The following WDFY2 variants were observed in gnomAD, a reference collection of about 807,000 sequenced individuals.
WDFY2 encodes the protein WD repeat and FYVE domain-containing protein 2.
A neutral mutation model predicts 56.4 loss-of-function variants in WDFY2; 36 were observed. The observed-to-expected ratio is 0.64, with a 90% CI of 0.49 to 0.84. The LOEUF (loss-of-function observed/expected upper bound fraction) is 0.84, where lower values mean the gene tolerates loss of function less well. Ranked by LOEUF, WDFY2 falls within the 40% of genes least tolerant of loss-of-function variation. WDFY2 has a pLI of 0.00. For missense variants in WDFY2, 444 were observed against 512.2 expected (o/e 0.87, Z 1.29); for synonymous variants, 176 against 183.7 (o/e 0.96, Z 0.34).
chr13:51,661,546 C>T (rs1431654798), intron 2 of WDFY2, among the ~76,000 whole-genome samples: 2 of 152,144 alleles, frequency 1.3e-5, no homozygotes, highest in African/African-American at 4.8e-5. Flanking sequence ...GTCTCAGAAG[C>T]ATATGCCAAA....
chr13:51,642,984 A>G (rs560264311), intron 1 of WDFY2, among the ~76,000 whole-genome samples: 1 of 152,196 alleles, frequency 6.6e-6, no homozygotes, highest in African/African-American at 2.4e-5. Context: ...CCATGTGGCC[A>G]TGTGTCTTTA....
chr13:51,660,707 C>T lies in WDFY2; in HGVS notation c.205+44C>T. 4 of 1,554,400 alleles carry T rather than the reference C, an allele frequency of 2.6e-6. No individual in the cohort carries two copies. In the South Asian group the frequency reaches 4.5e-5, roughly 17 times the overall value. ...GTCTTGAAAAACCAGACATGTCCTT[C>T]CCAGATTGCCTTCTCTGTATTTTCT... On this transcript the variant is annotated intron_variant, in intron 2 of 11. Transcript: ENST00000298125.
At chr13:51,691,693 T>A (rs1360579892) in intron 3 of WDFY2, among the ~76,000 whole-genome samples, 1 of 152,018 alleles carries the variant, frequency 6.6e-6, no homozygotes, top group African/African-American at 2.4e-5. Context: ...CTTTTTTGGT[T>A]CCATGTGAAC....
At chr13:51,751,272 T>C in intron 7 of WDFY2, 38 bp from the exon 8 acceptor site, 1 of 1,595,356 alleles carries the variant, frequency 6.3e-7, no homozygotes, top group Non-Finnish European at 8.5e-7. Flanking sequence ...TTGCATTTGT[T>C]CTCCTAAACT....
At chr13:51,697,086 T>C (rs1193365192) in intron 3 of WDFY2, among the ~76,000 whole-genome samples, 1 of 152,196 alleles carries the variant, frequency 6.6e-6, no homozygotes, top group African/African-American at 2.4e-5. Flanking sequence ...ATCTAAGTTG[T>C]AGTAATTTTA....
chr13:51,599,958 G>A (rs538597931), intron 1 of WDFY2, among the ~76,000 whole-genome samples: 1 of 150,976 alleles, frequency 6.6e-6, no homozygotes. Context: ...TGCAGTGCTT[G>A]CATGTGGCCA....
rs932289973 is a variant in WDFY2 at position 51,673,468 on chromosome 13, T to C, written c.206-1702T>C. On this transcript the variant is annotated intron_variant, in intron 2 of 11. Transcript: ENST00000298125. The stretch of plus-strand genomic sequence containing the variant: ...TATTTAAAATTCATTTTAACAGGAA[T>C]GGCAAAATAAGAGTAAAGACAGTGT... Among the ~76,000 whole-genome samples, 8 of 152,228 alleles carry C rather than the reference T, an allele frequency of 5.3e-5. 1 individual carries two copies. Among genetic ancestry groups the C allele is most frequent in the Admixed American group, 5.2e-4 (8 of 15,288 alleles).
intron 1 of WDFY2, among the ~76,000 whole-genome samples, chr13:51,615,548 C>T (rs1380278236): frequency 6.6e-6 from 1 of 152,110 alleles, no homozygotes. Flanking sequence ...TAACAAAGGC[C>T]GTTTAAACAG....
chr13:51,666,833 TA>T (rs1462814253), intron 2 of WDFY2, among the ~76,000 whole-genome samples: 11 of 152,234 alleles, frequency 7.2e-5, no homozygotes. Flanking sequence ...GGTAATACAT[TA>T]AATAAATAAT....
rs56054205 is a variant in WDFY2, at chr13:51,707,939, C to CTTTTTTTTTTTTTTTTT, written c.334+4305_334+4321dup. Reference sequence around the variant, plus strand: ...ATATATACTATTAACCCTAAAACAACTTTTTTTTTTTTTTTTTTTTTTTTT... The same window carrying CTTTTTTTTTTTTTTTTT: ...ATATATACTATTAACCCTAAAACAACTTTTTTTTTTTTTTTTTTTTTTTTTTTTTTTTTTTTTTTTTT... On this transcript the variant is annotated intron_variant, in intron 4 of 11. Coordinates refer to ENST00000298125, the MANE Select transcript of WDFY2 (RefSeq NM_052950.4). 8.7e-5 allele frequency among the ~76,000 whole-genome samples: 5 copies of CTTTTTTTTTTTTTTTTT among 57,570 alleles called. 1 individual carries two copies. The highest frequency in any genetic ancestry group is 3.2e-4 in the Admixed American group (1 of 3,110). 37.8% of individuals were successfully genotyped at this position (57,570 alleles called of 152,430 possible).
intron 7 of WDFY2, among the ~76,000 whole-genome samples, chr13:51,750,159 AT>A (rs2138714558): frequency 6.6e-6 from 1 of 152,314 alleles, no homozygotes; most frequent in South Asian, 2.1e-4. Context: ...TATTAAAAGA[AT>A]TTTTATGTTT....
chr13:51,767,194 G>A lies in WDFY2; in HGVS notation c.*7425G>A, dbSNP rs1953777149. Reference sequence around the variant, plus strand: ...GTGACCTGCATGCTATGGAATCACCGTTGAGGGGGTGGCTGGGTTGCCCCG... The same window carrying A: ...GTGACCTGCATGCTATGGAATCACCATTGAGGGGGTGGCTGGGTTGCCCCG... On this transcript the variant is annotated 3_prime_UTR_variant, in exon 12 of 12. Coordinates refer to ENST00000298125, the MANE Select transcript of WDFY2 (RefSeq NM_052950.4). 6.6e-6 allele frequency: 1 copy of A among 152,398 alleles called. No homozygotes were observed. Among genetic ancestry groups the A allele is most frequent in the East Asian group, 1.9e-4 (1 of 5,188 alleles). 9.4% of individuals were successfully genotyped at this position (152,398 alleles called of 1,614,324 possible).
intron 6 of WDFY2, among the ~76,000 whole-genome samples, chr13:51,731,927 C>T (rs979837131): frequency 3.9e-5 from 6 of 152,148 alleles, no homozygotes; most frequent in Non-Finnish European, 5.9e-5. Flanking sequence ...ATGAGGGAAT[C>T]GACCTAGTAG....
rs574352620 is a variant in WDFY2 at position 51,734,156 on chromosome 13, C to T, written c.599-4893C>T. On this transcript the variant is annotated intron_variant, in intron 6 of 11. Coordinates refer to ENST00000298125, the MANE Select transcript of WDFY2 (RefSeq NM_052950.4). ...GATCACACTCTGGGAAAGGCAGACC[C>T]AGCAGTTTCCAACCCTGATTTTGTA... is the stretch of plus-strand genomic sequence containing the variant. Among the ~76,000 whole-genome samples, 11 of 152,250 alleles carry T rather than the reference C, an allele frequency of 7.2e-5. 1 individual carries two copies. Among genetic ancestry groups the T allele is most frequent in the African/African-American group, 2.6e-4 (11 of 41,550 alleles).
chr13:51,745,693 C>G (rs73199742), intron 7 of WDFY2, among the ~76,000 whole-genome samples: 2,249 of 148,822 alleles, frequency 0.015, 28 homozygotes, highest in Non-Finnish European at 0.025. Context: ...GTGCTTCCCC[C>G]CTCCTCCCCT....
At chr13:51,699,476 T>C (rs1951940148) in intron 3 of WDFY2, among the ~76,000 whole-genome samples, 1 of 152,186 alleles carries the variant, frequency 6.6e-6, no homozygotes, top group South Asian at 2.1e-4. Flanking sequence ...AAATAAAGCA[T>C]TAGACTTACG....
At chr13:51,718,870 C>T (rs752406891) in intron 4 of WDFY2, among the ~76,000 whole-genome samples, 2 of 152,188 alleles carry the variant, frequency 1.3e-5, no homozygotes, top group African/African-American at 4.8e-5. Flanking sequence ...GCAGCCCTAG[C>T]GTGTCTGAGG....
intron 1 of WDFY2, among the ~76,000 whole-genome samples, chr13:51,659,497 G>A (rs948526765): frequency 1.3e-5 from 2 of 152,148 alleles, no homozygotes; most frequent in African/African-American, 2.4e-5. Context: ...TCTGGTCTCC[G>A]GGATAATACC....
intron 1 of WDFY2, among the ~76,000 whole-genome samples, chr13:51,659,992 G>A (rs1955580249): frequency 6.6e-6 from 1 of 152,132 alleles, no homozygotes; most frequent in South Asian, 2.1e-4. Context: ...GCTTGGAAAG[G>A]CAAAACAACA....
Sources: allele counts gnomAD v4.1 joint callset (sites outside exome capture counted in the v4.1 genomes callset), GRCh38; gene constraint gnomAD v4.1.1; transcripts MANE v1.5; gene names NCBI Gene and HGNC (gene_info 2026-07-23, HGNC 2026-07-21).